The following ARVCF variants were observed in gnomAD, a reference collection of about 807,000 sequenced individuals.
ARVCF encodes the protein ARVCF delta catenin family member.
Under a neutral mutation model 90.9 loss-of-function variants are expected in ARVCF, and 66 were observed. The ratio of observed to expected loss-of-function variants is 0.73; its 90% CI spans 0.60 to 0.89. The LOEUF is 0.89. ARVCF is among the 40% of genes least tolerant of loss of function. The probability of loss-of-function intolerance (pLI) is 0.00; values close to 1 mark genes in which losing one functional copy is unlikely to be tolerated. For missense variants in ARVCF, 1,469 were observed against 1,382.3 expected (o/e 1.06, Z -1.00); for synonymous variants, 653 against 603.4 (o/e 1.08, Z -1.21).
chr22:19,970,201 C>G lies in ARVCF; in HGVS notation c.*555G>C. ...GAGGTGGGGCACCTGTAGCCTGACC[C>G]CCACCTTGCTGCTTCCAAAGCTTCC... On this transcript the variant is annotated 3_prime_UTR_variant, in exon 20 of 20. Transcript: ENST00000263207. 1 of 989,460 alleles carries G rather than the reference C, an allele frequency of 1.0e-6. No individual in the cohort carries two copies. The highest frequency in any genetic ancestry group is 1.2e-6 in the Non-Finnish European group (1 of 832,316). 61.3% of individuals were successfully genotyped at this position (989,460 alleles called of 1,614,324 possible). A position where few individuals can be genotyped will look rare whatever the true frequency, so the allele number is the denominator to read the frequency against.
intron 18 of ARVCF, among the ~76,000 whole-genome samples, chr22:19,971,630 G>A (rs151337009): frequency 2.8e-4 from 43 of 152,318 alleles, no homozygotes; most frequent in Middle Eastern, 3.4e-3. Flanking sequence ...GCACAGAAGG[G>A]TGCACACACA....
At position 19,987,202 on chromosome 22, in the gene ARVCF, C is replaced by T. The variant is rs896638657; in HGVS notation, c.210+3383G>A. On this transcript the variant is annotated intron_variant, in intron 3 of 19. Transcript: ENST00000263207. ...GGCTCAGGCTCGGCGGACTCGCTCC[C>T]CGCGGGGGCGGATCTGGCGGCGGTC... is the stretch of plus-strand genomic sequence containing the variant. 16 of 392,336 alleles carry T rather than the reference C, an allele frequency of 4.1e-5. 1 individual carries two copies. The South Asian group carries it at 1.1e-3, about 28-fold the overall frequency. 24.3% of individuals were successfully genotyped at this position (392,336 alleles called of 1,614,324 possible). A position where few individuals can be genotyped will look rare whatever the true frequency, so the allele number is the denominator to read the frequency against.
chr22:19,975,386 G>A (rs1236934492), intron 11 of ARVCF, among the ~76,000 whole-genome samples: 3 of 152,210 alleles, frequency 2.0e-5, no homozygotes, highest in Non-Finnish European at 4.4e-5. Flanking sequence ...TCCACTGGAG[G>A]CGTCCCTCCA....
At chr22:19,974,495 G>GGGGA (rs1943038322) in intron 11 of ARVCF, among the ~76,000 whole-genome samples, 1 of 152,160 alleles carries the variant, frequency 6.6e-6, no homozygotes, top group East Asian at 1.9e-4. Context: ...GGCCTGGGGT[G>GGGGA]GGGAGGGAGG....
chr22:19,987,240 C>T lies in ARVCF; in HGVS notation c.210+3345G>A, dbSNP rs1229252711. 3.4e-5 allele frequency: 8 copies of T among 232,804 alleles called. No individual in the cohort carries two copies. The East Asian group carries it at 4.4e-4, about 13-fold the overall frequency. The allele number at this position is 232,804 out of a possible 1,614,324, so 14.4% of individuals were successfully genotyped here. On this transcript the variant is annotated intron_variant, in intron 3 of 19. Transcript: ENST00000263207. ...TCTGGCGGCGGTCACGGCGAGCAGC[C>T]AATCGGGCGGGGCCGCGCCCAGGTG...
At chr22:19,998,258 C>T (rs1014704986) in intron 2 of ARVCF, among the ~76,000 whole-genome samples, 15 of 152,346 alleles carry the variant, frequency 9.8e-5, no homozygotes, top group Admixed American at 3.3e-4. Context: ...CATTGGAAGA[C>T]GGGGTTAGAC....
Position 20,016,109 on chromosome 22 carries a change from G to C in ARVCF, c.-73+480C>G, listed in dbSNP as rs574195926. Reference sequence around the variant, plus strand: ...AGGCGGCAGGAGCAGCGCGGCGCGAGGACACCTCCGGGCCGTCGGTGCCCC... The same window carrying C: ...AGGCGGCAGGAGCAGCGCGGCGCGACGACACCTCCGGGCCGTCGGTGCCCC... On this transcript the variant is annotated intron_variant, in intron 1 of 19. Transcript: ENST00000263207. Among the ~76,000 whole-genome samples, 312 of 152,244 alleles carry C rather than the reference G, an allele frequency of 2.0e-3. 2 individuals carry two copies. Among genetic ancestry groups the C allele is most frequent in the African/African-American group, 7.4e-3 (306 of 41,562 alleles).
intron 3 of ARVCF, among the ~76,000 whole-genome samples, chr22:19,989,306 ACT>A (rs1194829103): frequency 2.0e-5 from 3 of 151,748 alleles, no homozygotes; most frequent in African/African-American, 4.8e-5. Flanking sequence ...CATTAATTTG[ACT>A]CTCACCATGC....
intron 2 of ARVCF, among the ~76,000 whole-genome samples, chr22:19,997,869 C>T (rs968257990): frequency 1.3e-5 from 2 of 152,216 alleles, no homozygotes; most frequent in African/African-American, 4.8e-5. Context: ...CACGGCTTAC[C>T]GGGACGGGCA....
In ARVCF at chr22:19,980,030, G is replaced by T; in HGVS notation, c.1109C>A (p.Pro370His). ...LPEVLAMLRH[P>H]VDPVKANAAA... is the part of the protein sequence containing the mutation. ...CGCATTGGCCTTCACGGGGTCCACG[G>T]GGTGCCGCAGCATGGCCAGCACCTC... Residue 370 changes from proline (P) to histidine (H), a missense_variant, in exon 6 of 20, where the codon CCC (proline) becomes CAC (histidine). Transcript: ENST00000263207. The T allele has an allele frequency of 6.3e-7, 1 of 1,589,012 alleles. No homozygotes were observed. Among genetic ancestry groups the T allele is most frequent in the Non-Finnish European group, 8.6e-7 (1 of 1,167,460 alleles).
chr22:19,982,576 G>A (rs1785769721), intron 3 of ARVCF, among the ~76,000 whole-genome samples: 2 of 152,188 alleles, frequency 1.3e-5, no homozygotes, highest in South Asian at 2.1e-4. Flanking sequence ...CAGACACCTT[G>A]AGTATAGAAG....
Position 19,982,309 on chromosome 22 carries a change from G to T in ARVCF, c.211-218C>A, listed in dbSNP as rs34184438. ...CTCTGAACATCGAGGTGCTAACCCTGCCCCGGCACCCCATCCTGGGGGGAC... is the reference window on the plus strand; with the variant it reads ...CTCTGAACATCGAGGTGCTAACCCTTCCCCGGCACCCCATCCTGGGGGGAC... On this transcript the variant is annotated intron_variant, in intron 3 of 19. Transcript: ENST00000263207. Among the ~76,000 whole-genome samples, 38 of 152,292 alleles carry T rather than the reference G, an allele frequency of 2.5e-4. No individual in the cohort carries two copies. In the East Asian group the frequency reaches 3.5e-3, roughly 14 times the overall value.
At position 19,979,738 on chromosome 22, in the gene ARVCF, C is replaced by T; in HGVS notation, c.1396+5G>A. 6.3e-7 allele frequency: 1 copy of T among 1,591,094 alleles called. No homozygotes were observed. The highest frequency in any genetic ancestry group is 8.6e-7 in the Non-Finnish European group (1 of 1,165,118). On this transcript the variant is annotated splice_donor_5th_base_variant and intron_variant, in intron 6 of 19. Transcript: ENST00000263207. ...GGGATGTGAGCATGGCCAGGTCCCACTCACCAGTGACAAGCTCACGGACCT... is the reference window on the plus strand; with the variant it reads ...GGGATGTGAGCATGGCCAGGTCCCATTCACCAGTGACAAGCTCACGGACCT...
At position 19,972,223 on chromosome 22, in the gene ARVCF, C is replaced by T. The variant is rs5993891; in HGVS notation, c.2695+135G>A. 0.07 allele frequency: 86,699 copies of T among 1,230,822 alleles called. 6,606 individuals carry two copies. The highest frequency in any genetic ancestry group is 0.36 in the African/African-American group (24,122 of 66,766). 76.2% of individuals were successfully genotyped at this position (1,230,822 alleles called of 1,614,324 possible). A position where few individuals can be genotyped will look rare whatever the true frequency, so the allele number is the denominator to read the frequency against. ...ATCCCTCTCTAGCTGCCCTGTACCT[C>T]ACCCTCTAAGCACCCCTAAACCAAA... is the stretch of plus-strand genomic sequence containing the variant. On this transcript the variant is annotated intron_variant, in intron 17 of 19. Transcript: ENST00000263207.
Position 19,996,284 on chromosome 22 carries a change from C to T in ARVCF, c.-18-5472G>A, listed in dbSNP as rs575122972. On this transcript the variant is annotated intron_variant, in intron 2 of 19. Coordinates refer to ENST00000263207, the MANE Select transcript of ARVCF (RefSeq NM_001670.3). ...CCCGAGGAAAGACGCACAAGCGTGA[C>T]TTTGTGAGAATGAAACTTTCTGTAT... is the stretch of plus-strand genomic sequence containing the variant. 6.0e-5 allele frequency among the ~76,000 whole-genome samples: 9 copies of T among 150,106 alleles called. No homozygotes were observed. The South Asian group carries it at 1.9e-3, about 32-fold the overall frequency.
chr22:20,008,213 C>T (rs1476243312), intron 2 of ARVCF, among the ~76,000 whole-genome samples: 1 of 152,212 alleles, frequency 6.6e-6, no homozygotes, highest in Non-Finnish European at 1.5e-5. Flanking sequence ...TCATAGGGGC[C>T]AGGCGGCCGC....
At position 19,979,795 on chromosome 22, in the gene ARVCF, C is replaced by G. The variant is rs1569160289; in HGVS notation, c.1344G>C (p.Leu448=). The change falls in exon 6 of 20, where the codon CTG becomes CTC. Residue 448 remains leucine (L), a synonymous_variant. Transcript: ENST00000263207. ...CCCGGGCAGCCCTCAGCAGGCGCAC[C>G]AGGGCAGGCACACCACCGCAGTCCC... The part of the protein sequence containing the change: ...AIRDCGGVPA[L]VRLLRAARDN... The G allele has an allele frequency of 6.2e-7, 1 of 1,608,832 alleles. No homozygotes were observed. Among genetic ancestry groups the G allele is most frequent in the Non-Finnish European group, 8.5e-7 (1 of 1,178,178 alleles).
intron 2 of ARVCF, among the ~76,000 whole-genome samples, chr22:20,002,840 A>G (rs1438196183): frequency 6.6e-6 from 1 of 152,216 alleles, no homozygotes; most frequent in Non-Finnish European, 1.5e-5. Context: ...TTCTGAATGC[A>G]TTAAGGCAGC....
chr22:19,968,622 C>T (rs369589068), downstream of ARVCF: 13 of 1,613,954 alleles, frequency 8.1e-6, no homozygotes, highest in Admixed American at 1.7e-5. Context: ...CACACGTGCG[C>T]GGGAGCAGCT....
Sources: gnomAD v4.1 joint callset for allele counts (sites outside exome capture counted in the v4.1 genomes callset) on GRCh38, gnomAD v4.1.1 for gene constraint, MANE v1.5 for transcripts, NCBI Gene and HGNC (gene_info 2026-07-23, HGNC 2026-07-21) for gene names.